The following KIRREL3 variants were observed in gnomAD, a reference collection of about 807,000 sequenced individuals.
The protein encoded by KIRREL3 is kirre like nephrin family adhesion molecule 3, also known as kin of IRRE-like protein 3.
A neutral mutation model predicts 89.7 loss-of-function variants in KIRREL3; 36 were observed. The ratio of observed to expected loss-of-function variants is 0.40; its 90% confidence interval spans 0.31 to 0.53. KIRREL3 has a LOEUF of 0.53. KIRREL3 is among the 20% of genes least tolerant of loss of function. KIRREL3 has a pLI of 0.49. For synonymous variants in KIRREL3, 445 were observed against 441.4 expected (o/e 1.01, Z -0.10); for missense variants, 864 against 1,056.6 (o/e 0.82, Z 2.53).
Position 126,431,452 on chromosome 11 carries a change from T to A in KIRREL3, c.1663A>T (p.Ile555Phe), listed in dbSNP as rs545204987. The A allele has an allele frequency of 6.2e-7, 1 of 1,614,014 alleles. No homozygotes were observed. Among genetic ancestry groups the A allele is most frequent in the Admixed American group, 1.7e-5 (1 of 60,020 alleles). The change falls in exon 14 of 17, where the codon ATC (isoleucine) becomes TTC (phenylalanine). Residue 555 changes from isoleucine to phenylalanine, a missense_variant. Physicochemically the swap from Ile to Phe is conservative, Grantham distance 21. Coordinates refer to ENST00000525144, the MANE Select transcript of KIRREL3 (RefSeq NM_032531.4). This position sits in a 1 kb window ranked among gnomAD's most constrained non-coding sequence, Gnocchi z 7.1. ...GAACGGGCACAGCAGAACGCCACGATGGTTGCCATAAGGACGAGGAAGGCC... is the reference window on the plus strand; with the variant it reads ...GAACGGGCACAGCAGAACGCCACGAAGGTTGCCATAAGGACGAGGAAGGCC... ...GVAFLVLMAT[I>F]VAFCCARSQR...
chr11:126,536,842 A>G (rs1290276684), intron 2 of KIRREL3, among the ~76,000 whole-genome samples: 3 of 152,046 alleles, frequency 2.0e-5, no homozygotes, highest in African/African-American at 7.2e-5. Context: ...ACAGGGTTTC[A>G]CCAAGTTGAC....
intron 1 of KIRREL3, among the ~76,000 whole-genome samples, chr11:126,878,732 G>A (rs1223728576): frequency 6.6e-6 from 1 of 152,084 alleles, no homozygotes; most frequent in African/African-American, 2.4e-5. Context: ...TCTGGGATTG[G>A]CAGGTCAAAG....
Position 126,428,767 on chromosome 11 carries a change from T to G in KIRREL3, c.1806+412A>C, listed in dbSNP as rs1055960649. ...GTTCAAGCAATTCTCCTGCCTCAGC[T>G]TCCCAAGTAGCTGGGATTACAGGCG... On this transcript the variant is annotated intron_variant, in intron 15 of 16. Transcript: ENST00000525144. This position sits in a 1 kb window ranked among gnomAD's most constrained non-coding sequence, Gnocchi z 6.4. Among the ~76,000 whole-genome samples, 17 of 152,002 alleles carry G rather than the reference T, an allele frequency of 1.1e-4. No individual in the cohort carries two copies. Among genetic ancestry groups the G allele is most frequent in the Non-Finnish European group, 2.1e-4 (14 of 67,996 alleles).
At chr11:126,933,849 A>G (rs923142356) in intron 1 of KIRREL3, among the ~76,000 whole-genome samples, 10 of 152,112 alleles carry the variant, frequency 6.6e-5, no homozygotes, top group African/African-American at 2.4e-4. Flanking sequence ...ATTCCATTTT[A>G]ATGGTTAAAA....
At chr11:126,775,612 G>A (rs1262240353) in intron 1 of KIRREL3, among the ~76,000 whole-genome samples, 1 of 152,122 alleles carries the variant, frequency 6.6e-6, no homozygotes, top group Non-Finnish European at 1.5e-5. Context: ...TGGGTCTTTA[G>A]GGCCTATTAG....
intron 1 of KIRREL3, among the ~76,000 whole-genome samples, chr11:126,798,434 T>C (rs1950883226): frequency 1.3e-5 from 2 of 152,170 alleles, no homozygotes; most frequent in African/African-American, 2.4e-5. Flanking sequence ...AAAGCAGAGG[T>C]AACCAAAGAA....
chr11:126,792,500 G>A (rs916528622), intron 1 of KIRREL3, among the ~76,000 whole-genome samples: 3 of 152,240 alleles, frequency 2.0e-5, no homozygotes, highest in Non-Finnish European at 2.9e-5. Flanking sequence ...GACTCCACTG[G>A]ACTCTTAAGT....
At chr11:126,456,057 T>TTTTTC (rs147218473) in intron 7 of KIRREL3, among the ~76,000 whole-genome samples, 9 of 109,802 alleles carry the variant, frequency 8.2e-5, no homozygotes, top group African/African-American at 2.5e-4. Flanking sequence ...TTTTTTTTTT[T>TTTTTC]CCTGAGCCTT....
At chr11:126,670,559 G>T (rs1445129854) in intron 1 of KIRREL3, among the ~76,000 whole-genome samples, 1 of 152,138 alleles carries the variant, frequency 6.6e-6, no homozygotes, top group Non-Finnish European at 1.5e-5. Flanking sequence ...AAAACCCAAA[G>T]AATCTGTAAG....
rs749261017 is a variant in KIRREL3, at chr11:126,435,267, C to G, written c.1588+1G>C. The G allele has an allele frequency of 6.2e-7, 1 of 1,613,856 alleles. No individual in the cohort carries two copies. Among genetic ancestry groups the G allele is most frequent in the South Asian group, 1.1e-5 (1 of 91,084 alleles). ...GCCATTCTCATCATCTCCTTCCGTACCTGCTTCCAGCCCGGCTCCCGACTT... is the reference window on the plus strand; with the variant it reads ...GCCATTCTCATCATCTCCTTCCGTAGCTGCTTCCAGCCCGGCTCCCGACTT... On this transcript the variant is annotated splice_donor_variant, in intron 13 of 16. Transcript: ENST00000525144. LOFTEE classifies it high-confidence loss of function.
intron 1 of KIRREL3, among the ~76,000 whole-genome samples, chr11:126,888,944 T>C (rs1945801336): frequency 6.6e-6 from 1 of 152,198 alleles, no homozygotes; most frequent in Admixed American, 6.5e-5. Flanking sequence ...ATCATTCCCA[T>C]TTTACAGAGT....
chr11:126,841,905 G>A (rs1943975196), intron 1 of KIRREL3, among the ~76,000 whole-genome samples: 1 of 152,160 alleles, frequency 6.6e-6, no homozygotes, highest in African/African-American at 2.4e-5. Flanking sequence ...CATCGTCAAG[G>A]TGGACCACGG....
intron 1 of KIRREL3, among the ~76,000 whole-genome samples, chr11:126,745,439 G>A (rs1412446321): frequency 6.7e-6 from 1 of 150,138 alleles, no homozygotes; most frequent in African/African-American, 2.5e-5. Context: ...AGAAAGATTA[G>A]TGAAGCAAGA....
chr11:126,434,381 C>T (rs958708762), intron 13 of KIRREL3, among the ~76,000 whole-genome samples: 1 of 152,254 alleles, frequency 6.6e-6, no homozygotes, highest in Non-Finnish European at 1.5e-5. Context: ...GAGAAGGCAG[C>T]GGGAGGCTGG....
chr11:126,779,632 C>A (rs80292424), intron 1 of KIRREL3, among the ~76,000 whole-genome samples: 5 of 152,208 alleles, frequency 3.3e-5, no homozygotes, highest in African/African-American at 1.2e-4. Flanking sequence ...ATAGTCTCAA[C>A]ACCTGGCGTC....
At chr11:126,692,147 G>A (rs1452343626) in intron 1 of KIRREL3, among the ~76,000 whole-genome samples, 1 of 152,196 alleles carries the variant, frequency 6.6e-6, no homozygotes, top group Non-Finnish European at 1.5e-5. Context: ...ACCACCATCT[G>A]ATGCAGCAGT....
intron 1 of KIRREL3, among the ~76,000 whole-genome samples, chr11:126,809,293 C>A (rs1037613893): frequency 6.6e-6 from 1 of 152,098 alleles, no homozygotes; most frequent in South Asian, 2.1e-4. Flanking sequence ...CTAGGAGGTG[C>A]GTTATAAAGC....
chr11:126,433,240 T>C (rs537715812), intron 13 of KIRREL3, among the ~76,000 whole-genome samples: 3 of 152,366 alleles, frequency 2.0e-5, no homozygotes, highest in Non-Finnish European at 4.4e-5. Flanking sequence ...CTCCCCAGCC[T>C]ACCCTGCGTT....
intron 1 of KIRREL3, among the ~76,000 whole-genome samples, chr11:126,794,429 T>G (rs1244608811): frequency 2.0e-5 from 3 of 152,216 alleles, no homozygotes; most frequent in African/African-American, 7.2e-5. Context: ...TCGTATAACC[T>G]TGGGTTTTTC....
Sources: allele counts gnomAD v4.1 joint callset (sites outside exome capture counted in the v4.1 genomes callset), GRCh38; gene constraint gnomAD v4.1.1; non-coding constraint Gnocchi (gnomAD v3.1); transcripts MANE v1.5; gene names NCBI Gene and HGNC (gene_info 2026-07-23, HGNC 2026-07-21).